C1QB: variants seen among roughly 807,000 people sequenced by gnomAD.
C1QB encodes complement C1q subcomponent subunit B.
C1QB carries 2 observed loss-of-function variants against 4.6 expected under a neutral mutation model. The observed-to-expected ratio is 0.43, with a 90% CI of 0.18 to 1.36. C1QB has a LOEUF of 1.36. Among genes scored for constraint, C1QB ranks in the 40% most tolerant of loss-of-function variants. C1QB has a pLI of 0.28. For synonymous variants in C1QB, 132 were observed against 137.1 expected (o/e 0.96, Z 0.26); for missense variants, 292 against 338.0 (o/e 0.86, Z 1.07).
chr1:22,658,679 T>A lies in C1QB; in HGVS notation c.-23-761T>A, dbSNP rs146494046. Among the ~76,000 whole-genome samples, 23 of 152,214 alleles carry A rather than the reference T, an allele frequency of 1.5e-4. No individual in the cohort carries two copies. The East Asian group carries it at 3.7e-3, about 24-fold the overall frequency. On this transcript the variant is annotated intron_variant, in intron 1 of 2. Coordinates refer to ENST00000509305, the MANE Select transcript of C1QB (RefSeq NM_001378156.1). ...GTAGATAGGGGACAATCAGTGAACA[T>A]ATGGATGGAGGAATGGATGGATGGA...
rs1462607971 is a variant in C1QB, at chr1:22,659,546, C to T, written c.84C>T (p.Ser28=). Residue 28 remains serine (S), a synonymous_variant, in exon 2 of 3, where the codon AGC becomes AGT. Coordinates refer to ENST00000509305, the MANE Select transcript of C1QB (RefSeq NM_001378156.1). Reference sequence around the variant, plus strand: ...TCGATATCTCCCAGGCCCAGCTCAGCTGCACCGGGCCCCCAGCCATCCCTG... The same window carrying T: ...TCGATATCTCCCAGGCCCAGCTCAGTTGCACCGGGCCCCCAGCCATCCCTG... The part of the protein sequence containing the change: ...GLIDISQAQL[S]CTGPPAIPGI... 6.2e-7 allele frequency: 1 copy of T among 1,614,106 alleles called. No homozygotes were observed. The highest frequency in any genetic ancestry group is 1.1e-5 in the South Asian group (1 of 91,080).
chr1:22,659,382 GGAT>G, intron 1 of C1QB, 55 bp from the exon 2 acceptor site: 1 of 1,458,888 alleles, frequency 6.9e-7, no homozygotes, highest in Non-Finnish European at 9.6e-7. Flanking sequence ...ATGGATGGAT[GGAT>G]GGATGGATGA....
chr1:22,654,941 A>C (rs1229524461), intron 1 of C1QB, among the ~76,000 whole-genome samples: 1 of 152,182 alleles, frequency 6.6e-6, no homozygotes. Flanking sequence ...CACCAGGTAC[A>C]GTGGCCTCTT....
At chr1:22,660,067 G>T (rs927618554) in intron 2 of C1QB, among the ~76,000 whole-genome samples, 2 of 152,148 alleles carry the variant, frequency 1.3e-5, no homozygotes, top group Non-Finnish European at 2.9e-5. Context: ...GAGACTCCCA[G>T]CCTTGAAAAC....
Position 22,661,372 on chromosome 1 carries a change from G to T in C1QB, c.742G>T (p.Asp248Tyr). 1 of 1,613,908 alleles carries T rather than the reference G, an allele frequency of 6.2e-7. No homozygotes were observed. ...SIFSGFLLFP[D>Y]MEA ...CTTTTCCGGGTTCCTGCTCTTTCCA[G>T]ATATGGAGGCCTGACCTGTGGGCTG... Residue 248 changes from aspartate (D) to tyrosine (Y), a missense_variant, in exon 3 of 3, where the codon GAT becomes TAT. Physicochemically the swap from Asp to Tyr is radical, Grantham distance 160 (BLOSUM62 -3). Coordinates refer to ENST00000509305, the MANE Select transcript of C1QB (RefSeq NM_001378156.1).
At chr1:22,659,793 AT>A in intron 2 of C1QB, 150 bp downstream of exon 2, 2 of 934,832 alleles carry the variant, frequency 2.1e-6, no homozygotes, top group Non-Finnish European at 3.3e-6. Flanking sequence ...CAAGGAGGGA[AT>A]TCTGATTCCC....
chr1:22,661,004 C>T lies in C1QB; in HGVS notation c.374C>T (p.Thr125Ile), dbSNP rs149771570. 5 of 1,613,946 alleles carry T rather than the reference C, an allele frequency of 3.1e-6. No individual in the cohort carries two copies. The African/African-American group carries it at 5.3e-5, about 17-fold the overall frequency. ...KATQKIAFSA[T>I]RTINVPLRRD... ...ACCCAGAAAATCGCCTTCTCTGCCA[C>T]AAGAACCATCAACGTCCCCCTGCGC... is the stretch of plus-strand genomic sequence containing the variant. Residue 125 changes from threonine to isoleucine, a missense_variant, in exon 3 of 3, where the codon ACA (threonine) becomes ATA (isoleucine). Thr to Ile is a moderately conservative substitution (Grantham distance 89, BLOSUM62 -1). Transcript: ENST00000509305.
rs1642619671 is a variant in C1QB at position 22,661,326 on chromosome 1, C to A, written c.696C>A (p.Gly232=). 1 of 1,613,902 alleles carries A rather than the reference C, an allele frequency of 6.2e-7. No individual in the cohort carries two copies. The highest frequency in any genetic ancestry group is 1.3e-5 in the African/African-American group (1 of 74,870). Residue 232 remains glycine, a synonymous_variant, in exon 3 of 3, where the codon GGC becomes GGA. Transcript: ENST00000509305. ...LQATDKNSLL[G]MEGANSIFSG... ...CCACCGACAAGAACTCACTACTGGG[C>A]ATGGAGGGTGCCAACAGCATCTTTT... is the stretch of plus-strand genomic sequence containing the variant.
At chr1:22,658,307 T>C (rs772718062) in intron 1 of C1QB, among the ~76,000 whole-genome samples, 6 of 152,152 alleles carry the variant, frequency 3.9e-5, no homozygotes, top group Non-Finnish European at 7.4e-5. Context: ...CTCCATATTC[T>C]CTGTCCTCCT....
Position 22,661,503 on chromosome 1 carries a change from T to A in C1QB, c.*117T>A. ...GTAGGGCTTGGTGAATGCTGCTGAG[T>A]GAATGAGTAAATAAACTCTTCAAGG... On this transcript the variant is annotated 3_prime_UTR_variant, in exon 3 of 3. Coordinates refer to ENST00000509305, the MANE Select transcript of C1QB (RefSeq NM_001378156.1). 8.2e-7 allele frequency: 1 copy of A among 1,215,840 alleles called. No homozygotes were observed. The highest frequency in any genetic ancestry group is 1.2e-6 in the Non-Finnish European group (1 of 837,638). The allele number at this position is 1,215,840 out of a possible 1,614,324, so 75.3% of individuals were successfully genotyped here. A position where few individuals can be genotyped will look rare whatever the true frequency, so the allele number is the denominator to read the frequency against.
At position 22,660,926 on chromosome 1, in the gene C1QB, C is replaced by T; in HGVS notation, c.296C>T (p.Pro99Leu). 1.2e-6 allele frequency: 2 copies of T among 1,613,660 alleles called. No homozygotes were observed. Among genetic ancestry groups the T allele is most frequent in the Non-Finnish European group, 1.7e-6 (2 of 1,179,818 alleles). ...PKGPMGPKGGPGAPGAPGPKG... is the reference protein window; with the variant it reads ...PKGPMGPKGGLGAPGAPGPKG... ...GGCCCCATGGGCCCTAAAGGTGGCC[C>T]AGGGGCCCCTGGAGCCCCAGGCCCC... Residue 99 changes from proline to leucine, a missense_variant, in exon 3 of 3, where the codon CCA becomes CTA. Coordinates refer to ENST00000509305, the MANE Select transcript of C1QB (RefSeq NM_001378156.1).
At position 22,660,950 on chromosome 1, in the gene C1QB, C is replaced by T. The variant is rs1642610885; in HGVS notation, c.320C>T (p.Pro107Leu). 6.2e-7 allele frequency: 1 copy of T among 1,613,720 alleles called. No homozygotes were observed. The highest frequency in any genetic ancestry group is 8.5e-7 in the Non-Finnish European group (1 of 1,179,932). ...GGPGAPGAPG[P>L]KGESGDYKAT... The stretch of plus-strand genomic sequence containing the variant: ...CCAGGGGCCCCTGGAGCCCCAGGCC[C>T]CAAAGGTGAATCGGGAGACTACAAG... Residue 107 changes from proline (P) to leucine (L), a missense_variant, in exon 3 of 3, where the codon CCC becomes CTC. Transcript: ENST00000509305.
chr1:22,657,341 A>C (rs1642544846), intron 1 of C1QB, among the ~76,000 whole-genome samples: 1 of 152,198 alleles, frequency 6.6e-6, no homozygotes, highest in African/African-American at 2.4e-5. Flanking sequence ...GAGGTAGAAG[A>C]CCAAATATAT....
chr1:22,658,038 A>G (rs990197492), intron 1 of C1QB, among the ~76,000 whole-genome samples: 4 of 152,152 alleles, frequency 2.6e-5, no homozygotes, highest in Admixed American at 6.5e-5. Context: ...CCTGAGCCTC[A>G]GTGTCCCCTT....
intron 1 of C1QB, among the ~76,000 whole-genome samples, chr1:22,658,206 G>A (rs1642555525): frequency 6.6e-6 from 1 of 152,016 alleles, no homozygotes; most frequent in Non-Finnish European, 1.5e-5. Flanking sequence ...CTCCACTCTT[G>A]CTTCCTGTCA....
chr1:22,659,237 T>C (rs552391059), intron 1 of C1QB, among the ~76,000 whole-genome samples: 1 of 139,480 alleles, frequency 7.2e-6, no homozygotes, highest in African/African-American at 2.8e-5. Context: ...GATGCAGGGA[T>C]GGAGGGATAG....
intron 2 of C1QB, 62 bp from the exon 3 acceptor site, chr1:22,660,750 C>T: frequency 6.4e-7 from 1 of 1,550,804 alleles, no homozygotes; most frequent in South Asian, 1.1e-5. Context: ...GCCCAAGGTT[C>T]CAGCGCAGGC....
At chr1:22,660,098 A>G (rs2148305513) in intron 2 of C1QB, among the ~76,000 whole-genome samples, 1 of 152,252 alleles carries the variant, frequency 6.6e-6, no homozygotes, top group Non-Finnish European at 1.5e-5. Flanking sequence ...AATTTGGTTT[A>G]TTCATTCATT....
At chr1:22,656,884 A>G (rs890654738) in intron 1 of C1QB, among the ~76,000 whole-genome samples, 2 of 152,106 alleles carry the variant, frequency 1.3e-5, no homozygotes, top group Non-Finnish European at 1.5e-5. Flanking sequence ...TGGCCCACAG[A>G]AGTCGGGGAA....
Sources: gnomAD v4.1 joint callset for allele counts (sites outside exome capture counted in the v4.1 genomes callset) on GRCh38, gnomAD v4.1.1 for gene constraint, MANE v1.5 for transcripts, NCBI Gene and HGNC (gene_info 2026-07-23, HGNC 2026-07-21) for gene names.